The following PGM1 variants were observed in gnomAD, a reference collection of about 807,000 sequenced individuals.
The protein encoded by PGM1 is phosphoglucomutase 1.
In PGM1, 52 loss-of-function variants were observed where a neutral mutation model predicts 55.6. That is an observed-to-expected ratio of 0.94 (90% CI 0.75 to 1.18). PGM1 has a LOEUF of 1.18. PGM1 is among the 50% of genes most tolerant of loss of function. The pLI is 0.00. For synonymous variants in PGM1, 287 were observed against 271.7 expected, an observed-to-expected ratio of 1.06 and a Z score of -0.55; for missense variants, 724 against 729.3, an observed-to-expected ratio of 0.99 and a Z score of 0.08.
chr1:63,650,441 G>A (rs1182698012), intron 8 of PGM1, among the ~76,000 whole-genome samples: 2 of 152,184 alleles, frequency 1.3e-5, no homozygotes, highest in African/African-American at 4.8e-5. Flanking sequence ...ACACCTGGTT[G>A]TAATTTCTTG....
In PGM1 at chr1:63,603,253, G is replaced by A. The variant is rs1253807742; in HGVS notation, c.246+9519G>A. 3.9e-5 allele frequency among the ~76,000 whole-genome samples: 6 copies of A among 152,324 alleles called. No individual in the cohort carries two copies. The South Asian group carries it at 1.2e-3, about 32-fold the overall frequency. On this transcript the variant is annotated intron_variant, in intron 1 of 10. Transcript: ENST00000371084. ...TCACAAAGTCAGGAAAAGAGCCTGG[G>A]AACTGCCCCCACTCTTCCTAGAATG...
chr1:63,629,442 C>T lies in PGM1; in HGVS notation c.264C>T (p.Ile88=), dbSNP rs200946909. 4.3e-5 allele frequency: 69 copies of T among 1,612,920 alleles called. No homozygotes were observed. The highest frequency in any genetic ancestry group is 8.9e-5 in the East Asian group (4 of 44,876). The change falls in exon 2 of 11, where the codon ATC becomes ATT. Residue 88 remains isoleucine (I), a synonymous_variant. Transcript: ENST00000371084. The stretch of plus-strand genomic sequence containing the variant: ...TCTCCTAGATCGGTCGCTTGGTTAT[C>T]GGACAGAATGGAATCCTCTCCACCC... ...AAANGIGRLV[I]GQNGILSTPA...
chr1:63,608,397 C>G (rs1262943747), intron 1 of PGM1, among the ~76,000 whole-genome samples: 8 of 152,158 alleles, frequency 5.3e-5, no homozygotes, highest in Non-Finnish European at 1.2e-4. Flanking sequence ...TGGCCAAATA[C>G]CCGGCCCTGA....
intron 1 of PGM1, among the ~76,000 whole-genome samples, chr1:63,604,959 G>GTGTGTGTGTGTGTA (rs58900430): frequency 7.4e-6 from 1 of 134,236 alleles, no homozygotes; most frequent in Non-Finnish European, 1.6e-5. Flanking sequence ...GTGTGTGTGT[G>GTGTGTGTGTGTGTA]TAAAGAGAGG....
intron 1 of PGM1, among the ~76,000 whole-genome samples, chr1:63,613,563 T>A (rs1446179362): frequency 6.6e-6 from 1 of 152,092 alleles, no homozygotes; most frequent in Non-Finnish European, 1.5e-5. Context: ...GTCTCCAAAT[T>A]TCCCTCTCCT....
At chr1:63,594,770 C>T (rs1231276483) in intron 1 of PGM1, among the ~76,000 whole-genome samples, 1 of 129,488 alleles carries the variant, frequency 7.7e-6, no homozygotes, top group Admixed American at 9.0e-5. Context: ...GGTGAAACCA[C>T]GTCTCTACTA....
Position 63,648,935 on chromosome 1 carries a change from T to C in PGM1, c.1280+283T>C, listed in dbSNP as rs569223307. On this transcript the variant is annotated intron_variant, in intron 8 of 10. Coordinates refer to ENST00000371084, the MANE Select transcript of PGM1 (RefSeq NM_002633.3). ...CCATTGGGTGGACATGATCATAACA[T>C]TGGATTTGGATTCAGAGAAATGGAT... is the stretch of plus-strand genomic sequence containing the variant. 1.5e-3 allele frequency among the ~76,000 whole-genome samples: 234 copies of C among 152,282 alleles called. 1 individual carries two copies. Among genetic ancestry groups the C allele is most frequent in the Non-Finnish European group, 2.6e-3 (179 of 68,020 alleles).
chr1:63,628,112 C>A (rs1649088559), intron 1 of PGM1, among the ~76,000 whole-genome samples: 1 of 152,098 alleles, frequency 6.6e-6, no homozygotes, highest in Non-Finnish European at 1.5e-5. Context: ...TTGGGAAGAG[C>A]AAATGTGGGA....
Position 63,593,681 on chromosome 1 carries a change from T to G in PGM1, c.193T>G (p.Phe65Val), listed in dbSNP as rs770150748. ...GCTGGTGGTGGGCGGGGACGGCCGG[T>G]TCTACATGAAGGAGGCCATCCAGCT... Reference protein sequence around the residue: ...ATLVVGGDGRFYMKEAIQLIA... With the variant: ...ATLVVGGDGRVYMKEAIQLIA... The change falls in exon 1 of 11, where the codon TTC (phenylalanine) becomes GTC (valine). Residue 65 changes from phenylalanine to valine, a missense_variant. This residue lies in a region of PGM1 where 379 missense variants were observed against 357.5 expected (regional missense o/e 1.06). Coordinates refer to ENST00000371084, the MANE Select transcript of PGM1 (RefSeq NM_002633.3). 3.1e-6 allele frequency: 5 copies of G among 1,605,592 alleles called. No individual in the cohort carries two copies. The highest frequency in any genetic ancestry group is 4.2e-6 in the Non-Finnish European group (5 of 1,177,066).
chr1:63,647,297 T>TATATATAC (rs1175669306), intron 7 of PGM1, among the ~76,000 whole-genome samples: 3 of 112,072 alleles, frequency 2.7e-5, no homozygotes, highest in Admixed American at 8.7e-5. Context: ...TATATATATA[T>TATATATAC]ATATATATAT....
intron 1 of PGM1, among the ~76,000 whole-genome samples, chr1:63,601,180 T>C (rs548484707): frequency 6.6e-6 from 1 of 152,182 alleles, no homozygotes; most frequent in Non-Finnish European, 1.5e-5. Flanking sequence ...TTAGGAGAGA[T>C]AAATCAGCCC....
chr1:63,659,568 TC>T lies in PGM1; in HGVS notation c.1600-17del. Reference sequence around the variant, plus strand: ...TTAGAGGAAGTGATGGAAAAGCTTCTCTCTATGTCTTCCTCAGGTCATGTTG... The same window carrying T: ...TTAGAGGAAGTGATGGAAAAGCTTCTTCTATGTCTTCCTCAGGTCATGTTG... On this transcript the variant is annotated splice_polypyrimidine_tract_variant and intron_variant, in intron 10 of 10. Coordinates refer to ENST00000371084, the MANE Select transcript of PGM1 (RefSeq NM_002633.3). 1 of 1,601,072 alleles carries T rather than the reference TC, an allele frequency of 6.2e-7. No homozygotes were observed. The highest frequency in any genetic ancestry group is 8.6e-7 in the Non-Finnish European group (1 of 1,168,194).
chr1:63,641,906 G>C (rs1180872905), intron 7 of PGM1, among the ~76,000 whole-genome samples: 2 of 152,190 alleles, frequency 1.3e-5, no homozygotes, highest in African/African-American at 4.8e-5. Context: ...CATTTAGACA[G>C]ATTCCTGCTA....
rs1161058969 is a variant in PGM1 at position 63,654,408 on chromosome 1, T to C, written c.1541T>C (p.Ile514Thr). 1 of 1,614,090 alleles carries C rather than the reference T, an allele frequency of 6.2e-7. No homozygotes were observed. Among genetic ancestry groups the C allele is most frequent in the East Asian group, 2.2e-5 (1 of 44,868 alleles). The change falls in exon 10 of 11, where the codon ATT (isoleucine) becomes ACT (threonine). Residue 514 changes from isoleucine to threonine, a missense_variant. Ile to Thr is a moderately conservative substitution (Grantham distance 89). Transcript: ENST00000371084. ...LSGTGSAGAT[I>T]RLYIDSYEKD... ...GGCACTGGGAGTGCCGGGGCCACCA[T>C]TCGGCTGTACATCGATAGCTATGAG...
At chr1:63,597,178 GGAGGGAGGCTCCATA>G (rs147851792) in intron 1 of PGM1, among the ~76,000 whole-genome samples, 6,237 of 152,216 alleles carry the variant, frequency 0.041, 446 homozygotes, top group African/African-American at 0.14. Flanking sequence ...GAAGATGAAG[GGAGGGAGGCTCCATA>G]GAGGGGTGGT....
At chr1:63,601,240 G>A (rs1648234596) in intron 1 of PGM1, among the ~76,000 whole-genome samples, 1 of 152,202 alleles carries the variant, frequency 6.6e-6, no homozygotes, top group Admixed American at 6.5e-5. Context: ...TGTCTATTTA[G>A]TTATGGTAAT....
chr1:63,593,542 C>A lies in PGM1; in HGVS notation c.54C>A (p.Gly18=). Residue 18 remains glycine (G), a synonymous_variant, in exon 1 of 11, where the codon GGC becomes GGA. Transcript: ENST00000371084. ...KTQAYQDQKP[G]TSGLRKRVKV... ...AGGCGTACCAGGACCAGAAGCCGGG[C>A]ACGAGCGGGCTGCGGAAGCGGGTGA... The A allele has an allele frequency of 6.2e-7, 1 of 1,613,914 alleles. No individual in the cohort carries two copies. The highest frequency in any genetic ancestry group is 8.5e-7 in the Non-Finnish European group (1 of 1,179,928).
chr1:63,595,275 A>G (rs1648028157), intron 1 of PGM1, among the ~76,000 whole-genome samples: 1 of 152,166 alleles, frequency 6.6e-6, no homozygotes, highest in Non-Finnish European at 1.5e-5. Flanking sequence ...GGGTATCTTC[A>G]AGTTGCCAAC....
chr1:63,609,136 T>G (rs564981841), intron 1 of PGM1, among the ~76,000 whole-genome samples: 1 of 152,318 alleles, frequency 6.6e-6, no homozygotes, highest in South Asian at 2.1e-4. Flanking sequence ...CCTTGGACTT[T>G]TTCTGTCAGG....
Sources: gnomAD v4.1 joint callset for allele counts (sites outside exome capture counted in the v4.1 genomes callset) on GRCh38, gnomAD v4.1.1 for gene constraint, gnomAD v4.1.1 regional missense constraint, MANE v1.5 for transcripts, NCBI Gene and HGNC (gene_info 2026-07-23, HGNC 2026-07-21) for gene names.